Variants in AKAP6 observed in about 807,000 individuals in gnomAD.
AKAP6 encodes the protein A-kinase anchor protein 6.
Under a neutral mutation model 188.5 loss-of-function variants are expected in AKAP6, and 58 were observed. The observed-to-expected ratio is 0.31, with a 90% CI of 0.25 to 0.38. The LOEUF is 0.38. AKAP6 is among the 10% of genes least tolerant of loss of function. The pLI is 1.00. For synonymous variants in AKAP6, 989 were observed against 998.6 expected (o/e 0.99, Z 0.18); for missense variants, 2,710 against 2,740.0 (o/e 0.99, Z 0.24).
At chr14:32,567,119 C>T (rs1347178770) in intron 4 of AKAP6, among the ~76,000 whole-genome samples, 1 of 152,078 alleles carries the variant, frequency 6.6e-6, no homozygotes, top group Non-Finnish European at 1.5e-5. Context: ...TGGAGTCTCA[C>T]CATATTGCCC....
At chr14:32,483,011 A>ATGTGTGTGTGTGTGTG (rs145844305) in intron 2 of AKAP6, among the ~76,000 whole-genome samples, 12 of 148,390 alleles carry the variant, frequency 8.1e-5, no homozygotes, top group East Asian at 3.9e-4. Flanking sequence ...ATATATATAT[A>ATGTGTGTGTGTGTGTG]TGTATCTTGC....
intron 12 of AKAP6, among the ~76,000 whole-genome samples, chr14:32,818,517 T>C (rs1287278717): frequency 6.6e-6 from 1 of 152,174 alleles, no homozygotes; most frequent in East Asian, 1.9e-4. Context: ...TTTTTTTTTT[T>C]TGTAACCGTG....
At chr14:32,628,927 T>C (rs553947221) in intron 7 of AKAP6, among the ~76,000 whole-genome samples, 1 of 152,224 alleles carries the variant, frequency 6.6e-6, no homozygotes, top group East Asian at 1.9e-4. Context: ...ATGCCAGAAC[T>C]TTACCATTCG....
At position 32,352,093 on chromosome 14, in the gene AKAP6, G is replaced by A. The variant is rs1174696631; in HGVS notation, c.-35+22685G>A. Among the ~76,000 whole-genome samples, 49 of 114,848 alleles carry A rather than the reference G, an allele frequency of 4.3e-4. No individual in the cohort carries two copies. In the East Asian group the frequency reaches 8.3e-3, roughly 20 times the overall value. 75.3% of individuals were successfully genotyped at this position (114,848 alleles called of 152,430 possible). ...ACCCTGTGTGTGTGTGTGTGTGTGT[G>A]TGTGTGTGTTTGTGTGTGTGTGTGT... On this transcript the variant is annotated intron_variant, in intron 1 of 13. Coordinates refer to ENST00000280979, the MANE Select transcript of AKAP6 (RefSeq NM_004274.5).
At chr14:32,471,096 T>C (rs1006917930) in intron 2 of AKAP6, among the ~76,000 whole-genome samples, 1 of 152,238 alleles carries the variant, frequency 6.6e-6, no homozygotes, top group African/African-American at 2.4e-5. Flanking sequence ...TCTTTCATAT[T>C]ACAAAATTAA....
chr14:32,404,782 A>C (rs1449057600), intron 1 of AKAP6, among the ~76,000 whole-genome samples: 3 of 145,796 alleles, frequency 2.1e-5, no homozygotes, highest in African/African-American at 7.6e-5. Context: ...AATAAAACTA[A>C]ATTTATAAAG....
intron 5 of AKAP6, among the ~76,000 whole-genome samples, chr14:32,597,288 G>T (rs975523618): frequency 1.3e-5 from 2 of 152,166 alleles, no homozygotes; most frequent in Middle Eastern, 3.4e-3. Flanking sequence ...ATTCAAAACA[G>T]GTCTATTGTA....
intron 1 of AKAP6, among the ~76,000 whole-genome samples, chr14:32,430,202 G>A (rs555650452): frequency 3.3e-4 from 50 of 152,164 alleles, no homozygotes; most frequent in African/African-American, 1.1e-3. Flanking sequence ...CAACAGCTTT[G>A]AAATCTCTGG....
At chr14:32,415,471 ATTTCT>A (rs556992197) in intron 1 of AKAP6, among the ~76,000 whole-genome samples, 1 of 152,148 alleles carries the variant, frequency 6.6e-6, no homozygotes, top group African/African-American at 2.4e-5. Context: ...TGCTAACAAC[ATTTCT>A]TTTCTATTTC....
chr14:32,830,206 A>AC lies in AKAP6; in HGVS notation c.*408dup, dbSNP rs561758624. On this transcript the variant is annotated 3_prime_UTR_variant, in exon 14 of 14. Transcript: ENST00000280979. Reference sequence around the variant, plus strand: ...CCATTAAATTCTCCTGTCTAGAATGACCCCCCCACCAGTACTTGACCAATT... The same window carrying AC: ...CCATTAAATTCTCCTGTCTAGAATGACCCCCCCCACCAGTACTTGACCAATT... 1.8e-4 allele frequency: 77 copies of AC among 439,052 alleles called. No individual in the cohort carries two copies. The East Asian group carries it at 2.1e-3, about 12-fold the overall frequency. The allele number at this position is 439,052 out of a possible 1,614,324, so 27.2% of individuals were successfully genotyped here. A position where few individuals can be genotyped will look rare whatever the true frequency, so the allele number is the denominator to read the frequency against.
At chr14:32,738,359 G>A (rs1483600091) in intron 11 of AKAP6, among the ~76,000 whole-genome samples, 1 of 152,150 alleles carries the variant, frequency 6.6e-6, no homozygotes, top group Non-Finnish European at 1.5e-5. Flanking sequence ...GAAGGCCACA[G>A]CGCTGGCCTG....
intron 7 of AKAP6, among the ~76,000 whole-genome samples, chr14:32,666,689 G>T (rs528427728): frequency 6.6e-6 from 1 of 151,936 alleles, no homozygotes; most frequent in Non-Finnish European, 1.5e-5. Context: ...CCTTAATATA[G>T]AGTCTTATGC....
intron 1 of AKAP6, among the ~76,000 whole-genome samples, chr14:32,364,948 T>C (rs562368781): frequency 2.0e-4 from 31 of 152,260 alleles, no homozygotes; most frequent in African/African-American, 7.2e-4. Flanking sequence ...AATAATAGAA[T>C]CAGGGAATGG....
intron 2 of AKAP6, among the ~76,000 whole-genome samples, chr14:32,487,464 G>A (rs987602041): frequency 6.6e-6 from 1 of 152,194 alleles, no homozygotes; most frequent in Non-Finnish European, 1.5e-5. Context: ...AAAGTTCTTA[G>A]CTTTCTTGCA....
intron 1 of AKAP6, among the ~76,000 whole-genome samples, chr14:32,368,190 C>T (rs1437196921): frequency 2.0e-5 from 3 of 152,146 alleles, no homozygotes; most frequent in South Asian, 4.1e-4. Context: ...AGGAGCTTAA[C>T]ACATGGTACC....
intron 9 of AKAP6, among the ~76,000 whole-genome samples, chr14:32,711,303 T>C (rs1328922116): frequency 6.6e-6 from 1 of 152,066 alleles, no homozygotes; most frequent in African/African-American, 2.4e-5. Flanking sequence ...GTGCTTCTGG[T>C]AACCAAAGAA....
chr14:32,639,797 C>T (rs899705441), intron 7 of AKAP6, among the ~76,000 whole-genome samples: 3 of 151,952 alleles, frequency 2.0e-5, no homozygotes, highest in African/African-American at 4.8e-5. Context: ...AAAGGGGCTG[C>T]GGACTGAAAA....
At chr14:32,779,318 G>A (rs924763915) in intron 12 of AKAP6, among the ~76,000 whole-genome samples, 1 of 149,924 alleles carries the variant, frequency 6.7e-6, no homozygotes, top group Non-Finnish European at 1.5e-5. Context: ...GCTCAGGTGG[G>A]AGGATCACTT....
intron 9 of AKAP6, among the ~76,000 whole-genome samples, chr14:32,719,267 C>A (rs757985230): frequency 6.6e-6 from 1 of 152,186 alleles, no homozygotes; most frequent in Non-Finnish European, 1.5e-5. Flanking sequence ...GTCTTAACAC[C>A]TACCATCGCA....
Sources: gnomAD v4.1 joint callset for allele counts (sites outside exome capture counted in the v4.1 genomes callset) on GRCh38, gnomAD v4.1.1 for gene constraint, MANE v1.5 for transcripts, NCBI Gene and HGNC (gene_info 2026-07-23, HGNC 2026-07-21) for gene names.